Variants in PTPRN2 observed in about 807,000 individuals in gnomAD.
PTPRN2 encodes receptor-type tyrosine-protein phosphatase N2.
A neutral mutation model predicts 118.8 loss-of-function variants in PTPRN2; 74 were observed. The ratio of observed to expected loss-of-function variants is 0.62; its 90% CI spans 0.52 to 0.76. The LOEUF is 0.76. PTPRN2 is among the 30% of genes least tolerant of loss of function. The pLI is 0.00. For synonymous variants in PTPRN2, 641 were observed against 608.0 expected, an observed-to-expected ratio of 1.05 and a Z score of -0.80; for missense variants, 1,481 against 1,394.4, an observed-to-expected ratio of 1.06 and a Z score of -0.99.
intron 11 of PTPRN2, among the ~76,000 whole-genome samples, chr7:158,035,581 T>C (rs1808038746): frequency 6.6e-6 from 1 of 152,174 alleles, no homozygotes; most frequent in Admixed American, 6.5e-5. Flanking sequence ...ATACCTGCCC[T>C]GCACAAAAGG....
At chr7:158,319,588 CACACACGCACACAGCCTCCCTTGT>C (rs1192746736) in intron 2 of PTPRN2, among the ~76,000 whole-genome samples, 15 of 105,488 alleles carry the variant, frequency 1.4e-4, no homozygotes, top group East Asian at 6.1e-4. Flanking sequence ...CAGCCTCCCT[CACACACGCACACAGCCTCCCTTGT>C]ACACACACAG....
chr7:157,697,642 G>T (rs1022729366), intron 12 of PTPRN2, among the ~76,000 whole-genome samples: 2 of 146,972 alleles, frequency 1.4e-5, no homozygotes, highest in Non-Finnish European at 3.0e-5. Context: ...GTCTACCCAT[G>T]CATACTGGAT....
intron 9 of PTPRN2, among the ~76,000 whole-genome samples, chr7:158,128,320 C>T (rs945764099): frequency 3.3e-5 from 5 of 152,186 alleles, no homozygotes; most frequent in African/African-American, 1.2e-4. Context: ...GTACAAATTG[C>T]TGACAAAAAG....
intron 12 of PTPRN2, among the ~76,000 whole-genome samples, chr7:157,890,017 GATTT>G (rs1281194330): frequency 6.6e-6 from 1 of 150,908 alleles, no homozygotes; most frequent in Non-Finnish European, 1.5e-5. Context: ...CACAGAATTT[GATTT>G]ATTTGATTGT....
At chr7:158,532,651 A>G (rs1257083709) in intron 1 of PTPRN2, 2 of 507,608 alleles carry the variant, frequency 3.9e-6, no homozygotes, top group Non-Finnish European at 8.3e-6. Flanking sequence ...AACCCGGGAC[A>G]TGATGTGATT....
rs1219518522 is a variant in PTPRN2, at chr7:157,780,861, A to G, written c.1789-97924T>C. Among the ~76,000 whole-genome samples the G allele has an allele frequency of 6.6e-6, 1 of 152,116 alleles. No individual in the cohort carries two copies. The highest frequency in any genetic ancestry group is 1.5e-5 in the Non-Finnish European group (1 of 68,006). ...GGTCCCCACAGATCAATCAGGACAGAATACTCACTAACCAAAGGTCGGTTT... is the reference window on the plus strand; with the variant it reads ...GGTCCCCACAGATCAATCAGGACAGGATACTCACTAACCAAAGGTCGGTTT... On this transcript the variant is annotated intron_variant, in intron 12 of 22. Transcript: ENST00000389418. The surrounding 1 kb of genome is among the most constrained non-coding windows in gnomAD (Gnocchi z 4.5).
At chr7:158,084,947 A>AGATAAC (rs1240537549) in intron 10 of PTPRN2, among the ~76,000 whole-genome samples, 1 of 138,268 alleles carries the variant, frequency 7.2e-6, no homozygotes. Context: ...ACGCCCATCC[A>AGATAAC]CACCCACGAC....
At chr7:158,068,442 AGCACCACCTTTGCACTCG>A (rs1179352494) in intron 11 of PTPRN2, among the ~76,000 whole-genome samples, 47 of 152,240 alleles carry the variant, frequency 3.1e-4, no homozygotes, top group African/African-American at 4.3e-4. Context: ...GTGGGTGCCC[AGCACCACCTTTGCACTCG>A]GCACCACCTT....
chr7:158,168,259 C>T (rs543654281), intron 5 of PTPRN2, among the ~76,000 whole-genome samples: 2 of 152,218 alleles, frequency 1.3e-5, no homozygotes, highest in South Asian at 2.1e-4. Flanking sequence ...GCACCTGGAG[C>T]CTCCAACTCA....
rs1804003347 is a variant in PTPRN2 at position 157,632,205 on chromosome 7, G to A, written c.2197-10696C>T. On this transcript the variant is annotated intron_variant, in intron 14 of 22. Coordinates refer to ENST00000389418, the MANE Select transcript of PTPRN2 (RefSeq NM_002847.5). The surrounding 1 kb of genome is among the most constrained non-coding windows in gnomAD (Gnocchi z 4.3). Reference sequence around the variant, plus strand: ...TTACACAATGCCCAGGTGACCTGCAGGGTACTTCCTGGAGTCCACAGCCGG... The same window carrying A: ...TTACACAATGCCCAGGTGACCTGCAAGGTACTTCCTGGAGTCCACAGCCGG... Among the ~76,000 whole-genome samples the A allele has an allele frequency of 1.3e-5, 2 of 152,206 alleles. No homozygotes were observed. The highest frequency in any genetic ancestry group is 1.3e-4 in the Admixed American group (2 of 15,282).
At chr7:157,751,338 A>T (rs1801453174) in intron 12 of PTPRN2, among the ~76,000 whole-genome samples, 1 of 152,174 alleles carries the variant, frequency 6.6e-6, no homozygotes, top group Admixed American at 6.6e-5. Context: ...GAAAGAAAAA[A>T]ATCCATGCGG....
At chr7:157,769,135 C>T (rs913749386) in intron 12 of PTPRN2, among the ~76,000 whole-genome samples, 2 of 152,176 alleles carry the variant, frequency 1.3e-5, no homozygotes, top group Admixed American at 6.5e-5. Context: ...ACGCCTCCAC[C>T]GCGGCCAGCC....
chr7:158,105,959 C>T (rs991066638), intron 10 of PTPRN2, among the ~76,000 whole-genome samples: 1 of 152,012 alleles, frequency 6.6e-6, no homozygotes, highest in Non-Finnish European at 1.5e-5. Flanking sequence ...ACTGCTCCAT[C>T]CCAGCTCCAT....
At chr7:158,215,770 G>A (rs1182214300) in intron 3 of PTPRN2, among the ~76,000 whole-genome samples, 1 of 152,120 alleles carries the variant, frequency 6.6e-6, no homozygotes, top group Non-Finnish European at 1.5e-5. Context: ...TATCAATCCA[G>A]ATACCCAGTG....
intron 3 of PTPRN2, among the ~76,000 whole-genome samples, chr7:158,220,628 CA>C (rs1280088335): frequency 1.3e-5 from 2 of 151,910 alleles, no homozygotes; most frequent in Non-Finnish European, 2.9e-5. Flanking sequence ...ACAACATGTA[CA>C]AAAAGAATAA....
intron 12 of PTPRN2, among the ~76,000 whole-genome samples, chr7:157,817,915 CAT>C (rs897813283): frequency 1.3e-5 from 2 of 150,732 alleles, no homozygotes; most frequent in East Asian, 2.0e-4. Flanking sequence ...GTGTATGTAT[CAT>C]GTGTGATGTG....
intron 10 of PTPRN2, among the ~76,000 whole-genome samples, chr7:158,109,933 CTG>C (rs1816080813): frequency 6.6e-6 from 1 of 150,528 alleles, no homozygotes. Context: ...TGACGTCACT[CTG>C]TGGGAGCCAG....
chr7:157,942,777 T>G (rs555706617), intron 11 of PTPRN2, among the ~76,000 whole-genome samples: 1 of 152,284 alleles, frequency 6.6e-6, no homozygotes, highest in African/African-American at 2.4e-5. Context: ...TTATCAGTCA[T>G]CCTCCTGCCA....
chr7:157,998,931 G>T (rs1375118162), intron 11 of PTPRN2, among the ~76,000 whole-genome samples: 2 of 151,062 alleles, frequency 1.3e-5, no homozygotes, highest in Non-Finnish European at 2.9e-5. Flanking sequence ...TCTGGGTAGA[G>T]AAGTCATCTT....
Sources: gnomAD v4.1 joint callset for allele counts (sites outside exome capture counted in the v4.1 genomes callset) on GRCh38, gnomAD v4.1.1 for gene constraint, Gnocchi (gnomAD v3.1) non-coding constraint, MANE v1.5 for transcripts, NCBI Gene and HGNC (gene_info 2026-07-23, HGNC 2026-07-21) for gene names.